PASK: variants seen among roughly 807,000 people sequenced by gnomAD.
PASK encodes PAS domain-containing serine/threonine-protein kinase.
A neutral mutation model predicts 121.0 loss-of-function variants in PASK; 110 were observed. The observed-to-expected ratio is 0.91, with a 90% confidence interval of 0.78 to 1.06. The LOEUF is 1.06. PASK is among the 50% of genes least tolerant of loss of function. PASK has a pLI of 0.00. For missense variants in PASK, 1,643 were observed against 1,702.3 expected, an observed-to-expected ratio of 0.97 and a Z score of 0.61; for synonymous variants, 686 against 717.8, an observed-to-expected ratio of 0.96 and a Z score of 0.71.
Position 241,107,485 on chromosome 2 carries a change from CA to C in PASK, c.3681del (p.Val1228CysfsTer19). ...GGGACTGGCTGCAGCAGCCCAGACA[CA>C]AGGCTCATGAGTTCTGGGGACACAA... ...PYLVSKELMSLVSGLLQPVPE... is the reference protein window; with the variant it reads ...PYLVSKELMSXVSGLLQPVPE... On this transcript the variant is annotated frameshift_variant, in exon 17 of 18. Coordinates refer to ENST00000234040, the MANE Select transcript of PASK (RefSeq NM_015148.4). LOFTEE classifies it high-confidence loss of function. The C allele has an allele frequency of 6.2e-7, 1 of 1,614,066 alleles. No homozygotes were observed. Among genetic ancestry groups the C allele is most frequent in the Non-Finnish European group, 8.5e-7 (1 of 1,179,966 alleles).
rs1351740403 is a variant in PASK, at chr2:241,127,280, G to C, written c.1635C>G (p.Ser545=). Residue 545 remains serine, a synonymous_variant, in exon 10 of 18, where the codon TCC becomes TCG. Coordinates refer to ENST00000234040, the MANE Select transcript of PASK (RefSeq NM_015148.4). ...SEPVDVKPFA[S]CEDSEAPVPA... is the part of the protein sequence containing the mutation. ...GGACTGGAGCTTCAGAATCTTCGCA[G>C]GAAGCAAATGGCTTCACATCCACTG... 1 of 1,614,206 alleles carries C rather than the reference G, an allele frequency of 6.2e-7. No homozygotes were observed. Among genetic ancestry groups the C allele is most frequent in the East Asian group, 2.2e-5 (1 of 44,884 alleles).
chr2:241,144,115 T>C (rs952589088), intron 1 of PASK, among the ~76,000 whole-genome samples: 2 of 151,788 alleles, frequency 1.3e-5, no homozygotes, highest in African/African-American at 4.9e-5. Flanking sequence ...TGTGTGTCCG[T>C]GCGTGTGTGT....
intron 9 of PASK, among the ~76,000 whole-genome samples, chr2:241,130,094 C>T (rs2066057467): frequency 6.6e-6 from 1 of 152,208 alleles, no homozygotes; most frequent in African/African-American, 2.4e-5. Flanking sequence ...CACCTCCTTC[C>T]TTCATGCTTC....
At chr2:241,149,377 G>A (rs1473396199) in intron 1 of PASK, 37 bp downstream of exon 1, 2 of 388,978 alleles carry the variant, frequency 5.1e-6, no homozygotes, top group Non-Finnish European at 4.7e-6. Flanking sequence ...GGGAGATGGC[G>A]GAGCCCGGCC....
At chr2:241,143,530 G>C in intron 1 of PASK, among the ~76,000 whole-genome samples, 1 of 150,704 alleles carries the variant, frequency 6.6e-6, no homozygotes, top group Admixed American at 6.6e-5. Flanking sequence ...CAGCCTGGGC[G>C]ATAGAGAGAG....
At chr2:241,127,553 G>T in intron 9 of PASK, 102 bp from the exon 10 acceptor site, 1 of 983,154 alleles carries the variant, frequency 1.0e-6, no homozygotes. Flanking sequence ...AGCATTTAAT[G>T]CCACCAATTT....
intron 1 of PASK, among the ~76,000 whole-genome samples, chr2:241,144,253 T>C (rs988790862): frequency 6.6e-6 from 1 of 152,238 alleles, no homozygotes. Context: ...AGTTCCATCC[T>C]GCATATTGGC....
intron 15 of PASK, among the ~76,000 whole-genome samples, chr2:241,109,975 AG>A (rs2065039830): frequency 6.6e-6 from 1 of 152,266 alleles, no homozygotes; most frequent in Non-Finnish European, 1.5e-5. Context: ...CTTTATTTAT[AG>A]AAACAAGAGG....
chr2:241,147,880 G>A (rs774507861), intron 1 of PASK, among the ~76,000 whole-genome samples: 6 of 152,162 alleles, frequency 3.9e-5, no homozygotes, highest in Non-Finnish European at 8.8e-5. Flanking sequence ...GAGCGGGGAG[G>A]ACAGCAGGAA....
chr2:241,126,300 G>A lies in PASK; in HGVS notation c.2615C>T (p.Thr872Ile), dbSNP rs778156479. Residue 872 changes from threonine (T) to isoleucine (I), a missense_variant, in exon 10 of 18, where the codon ACC becomes ATC. Coordinates refer to ENST00000234040, the MANE Select transcript of PASK (RefSeq NM_015148.4). Reference sequence around the variant, plus strand: ...GCGCATCACGATCACGGGCGTGGAGGTGACCTGGACGTTCAGCCTTGGCTC... The same window carrying A: ...GCGCATCACGATCACGGGCGTGGAGATGACCTGGACGTTCAGCCTTGGCTC... ...AEEPRLNVQV[T>I]STPVIVMRGA... The A allele has an allele frequency of 3.8e-5, 62 of 1,614,112 alleles. No individual in the cohort carries two copies. Among genetic ancestry groups the A allele is most frequent in the Non-Finnish European group, 4.8e-5 (57 of 1,180,046 alleles).
At chr2:241,118,219 GA>G (rs539550313) in intron 12 of PASK, among the ~76,000 whole-genome samples, 53 of 137,374 alleles carry the variant, frequency 3.9e-4, no homozygotes, top group East Asian at 1.0e-3. Context: ...AACAAGCTTG[GA>G]AAAAAAAAAA....
At chr2:241,115,979 A>G (rs2065340377) in intron 12 of PASK, among the ~76,000 whole-genome samples, 1 of 96,884 alleles carries the variant, frequency 1.0e-5, no homozygotes, top group Non-Finnish European at 1.8e-5. Flanking sequence ...GTCCTCAAGC[A>G]TCCCATTACA....
Position 241,135,473 on chromosome 2 carries a change from A to T in PASK, c.1306+398T>A, listed in dbSNP as rs142955845. Among the ~76,000 whole-genome samples, 43 of 152,206 alleles carry T rather than the reference A, an allele frequency of 2.8e-4. No individual in the cohort carries two copies. In the East Asian group the frequency reaches 7.7e-3, roughly 27 times the overall value. On this transcript the variant is annotated intron_variant, in intron 8 of 17. Coordinates refer to ENST00000234040, the MANE Select transcript of PASK (RefSeq NM_015148.4). ...AATCTGTGTATAAGTGGACCCTCTA[A>T]TGTCAAACCCAGTTGTTCAAGGGTC...
At chr2:241,121,623 A>G (rs1286976548) in intron 12 of PASK, among the ~76,000 whole-genome samples, 1 of 152,246 alleles carries the variant, frequency 6.6e-6, no homozygotes, top group East Asian at 1.9e-4. Context: ...TGCTGCCTAC[A>G]GAAGACCATT....
At position 241,140,571 on chromosome 2, in the gene PASK, CAG is replaced by C. The variant is rs1242761324; in HGVS notation, c.377_378del (p.Pro126ArgfsTer5). 1.1e-5 allele frequency: 17 copies of C among 1,614,010 alleles called. No individual in the cohort carries two copies. The highest frequency in any genetic ancestry group is 1.4e-5 in the Non-Finnish European group (17 of 1,180,008). ...SGWSSPLLPAPVCNPNKAIFT... is the reference protein window; with the variant it reads ...SGWSSPLLPAXVCNPNKAIFT... Reference sequence around the variant, plus strand: ...AAGATGGCCTTGTTAGGGTTGCACACAGGGGCCGGAAGCAGAGGTGAGGACCA... The same window carrying C: ...AAGATGGCCTTGTTAGGGTTGCACACGGGCCGGAAGCAGAGGTGAGGACCA... On this transcript the variant is annotated frameshift_variant, in exon 3 of 18. Coordinates refer to ENST00000234040, the MANE Select transcript of PASK (RefSeq NM_015148.4). LOFTEE classifies it high-confidence loss of function.
intron 8 of PASK, among the ~76,000 whole-genome samples, chr2:241,135,603 G>C (rs970242244): frequency 6.6e-6 from 1 of 152,004 alleles, no homozygotes. Context: ...CGGATGCTGT[G>C]TCTCGGATAT....
intron 1 of PASK, among the ~76,000 whole-genome samples, chr2:241,146,063 T>C (rs1319290886): frequency 1.3e-5 from 2 of 152,058 alleles, no homozygotes; most frequent in Non-Finnish European, 2.9e-5. Context: ...AAAATTAATA[T>C]CCAGAATAGC....
intron 8 of PASK, among the ~76,000 whole-genome samples, chr2:241,135,011 G>A (rs2066340191): frequency 6.6e-6 from 1 of 152,140 alleles, no homozygotes; most frequent in African/African-American, 2.4e-5. Flanking sequence ...AGCAGCCAGG[G>A]GCCTGCTCCT....
chr2:241,124,319 G>A (rs2065755679), intron 10 of PASK, among the ~76,000 whole-genome samples, 186 bp from the exon 11 acceptor site: 1 of 152,228 alleles, frequency 6.6e-6, no homozygotes, highest in Non-Finnish European at 1.5e-5. Context: ...ACCAAGGCCT[G>A]GAGGAAAGCT....
Sources: allele counts gnomAD v4.1 joint callset (sites outside exome capture counted in the v4.1 genomes callset), GRCh38; gene constraint gnomAD v4.1.1; transcripts MANE v1.5; gene names NCBI Gene and HGNC (gene_info 2026-07-23, HGNC 2026-07-21).